PROM1: variants seen among roughly 807,000 people sequenced by gnomAD.
PROM1 encodes prominin-1.
In PROM1, 105 loss-of-function variants were observed where a neutral mutation model predicts 116.9. That is an observed-to-expected ratio of 0.90 (90% CI 0.77 to 1.06). PROM1 has a LOEUF of 1.06. Among genes scored for constraint, PROM1 ranks in the 50% least tolerant of loss-of-function variants. The probability of loss-of-function intolerance (pLI) is 0.00; values close to 1 mark genes in which losing one functional copy is unlikely to be tolerated. For synonymous variants in PROM1, 393 were observed against 387.0 expected (o/e 1.02, Z -0.18); for missense variants, 1,122 against 1,045.2 (o/e 1.07, Z -1.01).
intron 2 of PROM1, among the ~76,000 whole-genome samples, chr4:16,048,929 AGT>A (rs1737196404): frequency 1.3e-5 from 2 of 152,164 alleles, no homozygotes; most frequent in Admixed American, 1.3e-4. Flanking sequence ...AGAGGAAGCG[AGT>A]ACTCAGGTTG....
intron 13 of PROM1, among the ~76,000 whole-genome samples, chr4:16,002,207 C>T (rs796770208): frequency 6.7e-6 from 1 of 149,174 alleles, no homozygotes; most frequent in South Asian, 2.1e-4. Context: ...TGGGGGGTGT[C>T]GAAAAAGAAA....
intron 1 of PROM1, chr4:16,079,362 C>T (rs1035517212): frequency 2.0e-5 from 3 of 152,260 alleles, no homozygotes; most frequent in African/African-American, 7.2e-5. Flanking sequence ...TAGACAGCAA[C>T]TGCAGTTGCA....
At chr4:15,974,740 G>T (rs935184628) in intron 26 of PROM1, among the ~76,000 whole-genome samples, 30 of 152,136 alleles carry the variant, frequency 2.0e-4, no homozygotes, top group Non-Finnish European at 3.7e-4. Context: ...CAAGGTGCTG[G>T]GATTAAAGGC....
At chr4:16,014,341 T>C (rs1727717295) in intron 10 of PROM1, among the ~76,000 whole-genome samples, 1 of 152,232 alleles carries the variant, frequency 6.6e-6, no homozygotes, top group African/African-American at 2.4e-5. Flanking sequence ...TCTATATGCC[T>C]GACTCCTTGA....
chr4:16,054,707 T>G (rs897803616), intron 2 of PROM1, among the ~76,000 whole-genome samples: 3 of 152,182 alleles, frequency 2.0e-5, no homozygotes, highest in African/African-American at 7.2e-5. Flanking sequence ...GTTGCTATAA[T>G]TATGTCTCCC....
At chr4:16,043,821 C>A (rs1735889769) in intron 2 of PROM1, among the ~76,000 whole-genome samples, 1 of 152,208 alleles carries the variant, frequency 6.6e-6, no homozygotes, top group Non-Finnish European at 1.5e-5. Flanking sequence ...TGACTGCCAG[C>A]CTCTCCAGGG....
chr4:15,984,122 CAATACACTGATCAA>C (rs1718665323), intron 23 of PROM1, 127 bp downstream of exon 23: 11 of 710,994 alleles, frequency 1.5e-5, no homozygotes, highest in Middle Eastern at 3.2e-4. Context: ...ATTAGCATCT[CAATACACTGATCAA>C]AATATTACAT....
chr4:15,982,807 C>A (rs1718309634), intron 23 of PROM1, among the ~76,000 whole-genome samples: 1 of 152,126 alleles, frequency 6.6e-6, no homozygotes, highest in South Asian at 2.1e-4. Context: ...AAAGTAGTTG[C>A]AAGAAGAAGG....
intron 19 of PROM1, among the ~76,000 whole-genome samples, chr4:15,988,651 G>A (rs1033107970): frequency 1.3e-5 from 2 of 152,224 alleles, no homozygotes; most frequent in African/African-American, 4.8e-5. Flanking sequence ...TTTGTGGACA[G>A]GTTGCCCTAG....
intron 2 of PROM1, among the ~76,000 whole-genome samples, chr4:16,045,673 A>G (rs1302139659): frequency 6.6e-6 from 1 of 152,190 alleles, no homozygotes; most frequent in Non-Finnish European, 1.5e-5. Context: ...AAACATACAC[A>G]TGACACATGC....
intron 5 of PROM1, among the ~76,000 whole-genome samples, chr4:16,025,750 C>A (rs1400201311): frequency 2.0e-5 from 3 of 152,266 alleles, no homozygotes; most frequent in Non-Finnish European, 2.9e-5. Flanking sequence ...CTTCTGCTCC[C>A]TGACCCCCCA....
At chr4:15,979,564 TA>T in intron 25 of PROM1, 101 bp from the exon 26 acceptor site, 1 of 1,424,992 alleles carries the variant, frequency 7.0e-7, no homozygotes, top group African/African-American at 1.4e-5. Context: ...GAAAAGTATG[TA>T]ACAATTTGTT....
At position 16,025,319 on chromosome 4, in the gene PROM1, G is replaced by A; in HGVS notation, c.510-7C>T. On this transcript the variant is annotated splice_polypyrimidine_tract_variant and splice_region_variant and intron_variant, in intron 5 of 27. Transcript: ENST00000447510. ...ACCATAGAAGATGCCAATGCTGCAGGAAAAGGCAGAGAGAAGAAAGAGCAT... is the reference window on the plus strand; with the variant it reads ...ACCATAGAAGATGCCAATGCTGCAGAAAAAGGCAGAGAGAAGAAAGAGCAT... 2 of 1,613,502 alleles carry A rather than the reference G, an allele frequency of 1.2e-6. No homozygotes were observed. Among genetic ancestry groups the A allele is most frequent in the Non-Finnish European group, 1.7e-6 (2 of 1,179,538 alleles).
chr4:16,076,118 C>G lies in PROM1; in HGVS notation c.-212G>C. ...GGGGTCATTCACTCAAGGCACCATC[C>G]CTGGCAGGGAGAGAAACAGCAGCAG... is the stretch of plus-strand genomic sequence containing the variant. On this transcript the variant is annotated splice_region_variant and 5_prime_UTR_variant, in exon 2 of 28. Coordinates refer to ENST00000447510, the MANE Select transcript of PROM1 (RefSeq NM_006017.3). 2 of 998,174 alleles carry G rather than the reference C, an allele frequency of 2.0e-6. No homozygotes were observed. Among genetic ancestry groups the G allele is most frequent in the Non-Finnish European group, 2.8e-6 (2 of 718,566 alleles). The allele number at this position is 998,174 out of a possible 1,614,324, so 61.8% of individuals were successfully genotyped here. A position where few individuals can be genotyped will look rare whatever the true frequency, so the allele number is the denominator to read the frequency against.
chr4:15,983,131 A>G (rs1186330800), intron 23 of PROM1, among the ~76,000 whole-genome samples: 1 of 152,244 alleles, frequency 6.6e-6, no homozygotes, highest in Non-Finnish European at 1.5e-5. Flanking sequence ...TGAAACAGCA[A>G]TAACATCTCT....
chr4:15,979,870 A>T lies in PROM1; in HGVS notation c.2513+11T>A, dbSNP rs1454799629. 1 of 1,450,966 alleles carries T rather than the reference A, an allele frequency of 6.9e-7. No individual in the cohort carries two copies. The highest frequency in any genetic ancestry group is 9.4e-7 in the Non-Finnish European group (1 of 1,061,278). 89.9% of individuals were successfully genotyped at this position (1,450,966 alleles called of 1,614,324 possible). ...CCCATCTAGGAATATAGTTTTTTTA[A>T]AAAGGCTTACTTTTTCATGGGTATA... On this transcript the variant is annotated intron_variant, in intron 25 of 27. Transcript: ENST00000447510.
intron 11 of PROM1, among the ~76,000 whole-genome samples, chr4:16,009,419 C>T (rs1726324271): frequency 6.6e-6 from 1 of 152,138 alleles, no homozygotes; most frequent in South Asian, 2.1e-4. Flanking sequence ...AGACTACGTG[C>T]CAGGCACTTT....
chr4:16,002,790 G>A (rs559305756), intron 13 of PROM1, among the ~76,000 whole-genome samples: 14 of 152,176 alleles, frequency 9.2e-5, no homozygotes, highest in Admixed American at 3.9e-4. Context: ...ACTCTAAATC[G>A]CATACAGTCA....
chr4:16,079,076 A>T (rs1382468251), intron 1 of PROM1, among the ~76,000 whole-genome samples: 1 of 103,986 alleles, frequency 9.6e-6, no homozygotes, highest in African/African-American at 3.8e-5. Context: ...CACCACATGT[A>T]CACTTTATCT....
Sources: gnomAD v4.1 joint callset for allele counts (sites outside exome capture counted in the v4.1 genomes callset) on GRCh38, gnomAD v4.1.1 for gene constraint, MANE v1.5 for transcripts, NCBI Gene and HGNC (gene_info 2026-07-23, HGNC 2026-07-21) for gene names.